TTC27: variants seen among roughly 807,000 people sequenced by gnomAD.
The protein encoded by TTC27 is tetratricopeptide repeat protein 27.
Under a neutral mutation model 115.9 loss-of-function variants are expected in TTC27, and 79 were observed. The ratio of observed to expected loss-of-function variants is 0.68; its 90% CI spans 0.57 to 0.82. The LOEUF is 0.82. Ranked by LOEUF, TTC27 falls within the 40% of genes least tolerant of loss-of-function variation. The pLI is 0.00. For synonymous variants in TTC27, 401 were observed against 356.0 expected (o/e 1.13, Z -1.42); for missense variants, 1,054 against 993.1 (o/e 1.06, Z -0.82).
At chr2:32,718,823 A>C (rs764275937) in intron 10 of TTC27, among the ~76,000 whole-genome samples, 10 of 152,192 alleles carry the variant, frequency 6.6e-5, no homozygotes, top group Admixed American at 3.3e-4. Flanking sequence ...TAAGGCTCTG[A>C]ACTGGGAATC....
At chr2:32,733,259 G>C (rs747169781) in intron 10 of TTC27, among the ~76,000 whole-genome samples, 1 of 152,198 alleles carries the variant, frequency 6.6e-6, no homozygotes, top group Non-Finnish European at 1.5e-5. Context: ...CAGTACATCA[G>C]AGGGATTCTT....
At position 32,698,435 on chromosome 2, in the gene TTC27, G is replaced by GTTATTATTATTATTATTATTATTATTA. The variant is rs372830080; in HGVS notation, c.1120-4349_1120-4348insATTATTATTATTATTATTATTATTATT. Among the ~76,000 whole-genome samples, 646 of 145,462 alleles carry GTTATTATTATTATTATTATTATTATTA rather than the reference G, an allele frequency of 4.4e-3. 3 individuals are homozygous for GTTATTATTATTATTATTATTATTATTA. The highest frequency in any genetic ancestry group is 0.018 in the East Asian group (86 of 4,824). ...TTAAGCCATCTCACCCAGCCATAAAGTTATTATTATTATTATTATTATTTT... is the reference window on the plus strand; with the variant it reads ...TTAAGCCATCTCACCCAGCCATAAAGTTATTATTATTATTATTATTATTATTATTATTATTATTATTATTATTATTTT... On this transcript the variant is annotated intron_variant, in intron 9 of 19. Coordinates refer to ENST00000317907, the MANE Select transcript of TTC27 (RefSeq NM_017735.5).
chr2:32,668,536 T>TCCGC (rs1665877235), intron 7 of TTC27, among the ~76,000 whole-genome samples: 1 of 45,942 alleles, frequency 2.2e-5, no homozygotes, highest in Non-Finnish European at 4.2e-5. Context: ...TTTCTTCCCT[T>TCCGC]CCTCCCTCCC....
At chr2:32,664,507 T>A (rs1464344486) in intron 6 of TTC27, 40 bp downstream of exon 6, 14 of 1,549,714 alleles carry the variant, frequency 9.0e-6, no homozygotes, top group African/African-American at 1.4e-5. Flanking sequence ...TTTATTTTTA[T>A]GATAAAACTA....
intron 5 of TTC27, among the ~76,000 whole-genome samples, chr2:32,659,658 G>A (rs991745835): frequency 2.0e-5 from 3 of 151,894 alleles, no homozygotes; most frequent in African/African-American, 4.8e-5. Context: ...TCTACATTAG[G>A]TATATCTCCT....
At chr2:32,751,374 G>A (rs915290235) in intron 12 of TTC27, among the ~76,000 whole-genome samples, 1 of 151,786 alleles carries the variant, frequency 6.6e-6, no homozygotes, top group African/African-American at 2.4e-5. Flanking sequence ...GTGTTGCTTT[G>A]AGTTTACTCT....
chr2:32,679,253 A>G (rs1175237306), intron 9 of TTC27, among the ~76,000 whole-genome samples: 1 of 152,270 alleles, frequency 6.6e-6, no homozygotes, highest in Non-Finnish European at 1.5e-5. Flanking sequence ...AAATGTGGAC[A>G]GAGAAGAGAC....
At chr2:32,677,412 G>A (rs1309385071) in intron 8 of TTC27, among the ~76,000 whole-genome samples, 5 of 151,880 alleles carry the variant, frequency 3.3e-5, no homozygotes, top group African/African-American at 1.2e-4. Context: ...GTACTGAGTC[G>A]AGGATATGTG....
Position 32,664,478 on chromosome 2 carries a change from T to A in TTC27, c.805+11T>A. The A allele has an allele frequency of 6.3e-7, 1 of 1,591,318 alleles. No homozygotes were observed. The highest frequency in any genetic ancestry group is 8.5e-7 in the Non-Finnish European group (1 of 1,173,840). On this transcript the variant is annotated intron_variant, in intron 6 of 19. Coordinates refer to ENST00000317907, the MANE Select transcript of TTC27 (RefSeq NM_017735.5). ...AAATTGATTTGACAGGTAAGACTTATTTTTTGTGGATAATTGATTTTATTT... is the reference window on the plus strand; with the variant it reads ...AAATTGATTTGACAGGTAAGACTTAATTTTTGTGGATAATTGATTTTATTT...
chr2:32,751,585 CTT>C (rs1669020436), intron 12 of TTC27, among the ~76,000 whole-genome samples: 1 of 152,138 alleles, frequency 6.6e-6, no homozygotes, highest in African/African-American at 2.4e-5. Context: ...GATGGACAGA[CTT>C]TCATTAACCC....
At chr2:32,773,748 A>G (rs140583579) in intron 13 of TTC27, among the ~76,000 whole-genome samples, 47 of 152,334 alleles carry the variant, frequency 3.1e-4, no homozygotes, top group African/African-American at 1.1e-3. Context: ...AGAGCTAATT[A>G]TTTTGGTTGT....
chr2:32,774,567 A>G (rs1669934610), intron 13 of TTC27, among the ~76,000 whole-genome samples: 1 of 152,186 alleles, frequency 6.6e-6, no homozygotes, highest in South Asian at 2.1e-4. Flanking sequence ...GTACCCAAAC[A>G]TATACAACTA....
intron 12 of TTC27, among the ~76,000 whole-genome samples, chr2:32,752,680 G>A (rs1669059627): frequency 6.6e-6 from 1 of 152,156 alleles, no homozygotes; most frequent in Non-Finnish European, 1.5e-5. Flanking sequence ...GGCAGTGAGG[G>A]ATGGAAGGGT....
At chr2:32,668,167 G>C (rs980897070) in intron 7 of TTC27, among the ~76,000 whole-genome samples, 2 of 151,632 alleles carry the variant, frequency 1.3e-5, no homozygotes, top group African/African-American at 4.8e-5. Flanking sequence ...CTCCAGCCTG[G>C]GTGACAGAGC....
intron 19 of TTC27, among the ~76,000 whole-genome samples, chr2:32,818,325 A>C (rs1671574412): frequency 6.6e-6 from 1 of 152,210 alleles, no homozygotes. Flanking sequence ...TTTTAGAAAG[A>C]CTCTTAAGTA....
At chr2:32,760,020 C>T (rs571706248) in intron 13 of TTC27, among the ~76,000 whole-genome samples, 161 of 152,204 alleles carry the variant, frequency 1.1e-3, no homozygotes, top group African/African-American at 3.7e-3. Context: ...TTACTTCCAC[C>T]TCTTGACTAT....
chr2:32,796,160 A>G (rs1252069530), intron 16 of TTC27, among the ~76,000 whole-genome samples: 1 of 152,240 alleles, frequency 6.6e-6, no homozygotes, highest in African/African-American at 2.4e-5. Flanking sequence ...TCTGTACACT[A>G]ACAGTGAACA....
intron 12 of TTC27, among the ~76,000 whole-genome samples, chr2:32,740,324 A>T (rs1668587702): frequency 6.6e-6 from 1 of 152,188 alleles, no homozygotes; most frequent in Non-Finnish European, 1.5e-5. Flanking sequence ...ATCTTTTATT[A>T]TGCTACATTT....
At chr2:32,691,087 GGAA>G (rs1474801618) in intron 9 of TTC27, among the ~76,000 whole-genome samples, 1 of 152,098 alleles carries the variant, frequency 6.6e-6, no homozygotes, top group Non-Finnish European at 1.5e-5. Context: ...AGTGACCTTT[GGAA>G]GAAGATTATT....
Sources: allele counts gnomAD v4.1 joint callset (sites outside exome capture counted in the v4.1 genomes callset), GRCh38; gene constraint gnomAD v4.1.1; transcripts MANE v1.5; gene names NCBI Gene and HGNC (gene_info 2026-07-23, HGNC 2026-07-21).